PLCXD3: variants seen among roughly 807,000 people sequenced by gnomAD.
PLCXD3 encodes the protein PI-PLC X domain-containing protein 3.
In PLCXD3, 19 loss-of-function variants were observed where a neutral mutation model predicts 25.5. The ratio of observed to expected loss-of-function variants is 0.75; its 90% confidence interval spans 0.52 to 1.09. PLCXD3 has a LOEUF of 1.09. Ranked by LOEUF, PLCXD3 falls within the 50% of genes least tolerant of loss-of-function variation. PLCXD3 has a pLI of 0.00. For missense variants in PLCXD3, 411 were observed against 388.1 expected, an observed-to-expected ratio of 1.06 and a Z score of -0.50; for synonymous variants, 174 against 137.6, an observed-to-expected ratio of 1.26 and a Z score of -1.85.
intron 1 of PLCXD3, among the ~76,000 whole-genome samples, chr5:41,493,317 C>T (rs1348151294): frequency 6.6e-6 from 1 of 152,124 alleles, no homozygotes; most frequent in Admixed American, 6.5e-5. Flanking sequence ...AGTACCTGGC[C>T]GTGTGAGGTG....
chr5:41,312,092 G>GTTTTT lies in PLCXD3; in HGVS notation c.*1520_*1524dup, dbSNP rs34664524. On this transcript the variant is annotated 3_prime_UTR_variant, in exon 3 of 3. Transcript: ENST00000377801. ...ATAGGCAAGGATTATTGTGCTCTAA[G>GTTTTT]TTTTTTTTTTTTATTTTTTAGAGTT... 2 of 147,808 alleles carry GTTTTT rather than the reference G, an allele frequency of 1.4e-5. No homozygotes were observed. Among genetic ancestry groups the GTTTTT allele is most frequent in the Admixed American group, 6.8e-5 (1 of 14,766 alleles). The allele number at this position is 147,808 out of a possible 1,614,324, so 9.2% of individuals were successfully genotyped here. A position where few individuals can be genotyped will look rare whatever the true frequency, so the allele number is the denominator to read the frequency against.
intron 1 of PLCXD3, among the ~76,000 whole-genome samples, chr5:41,393,301 G>A (rs1165509194): frequency 6.6e-6 from 1 of 152,006 alleles, no homozygotes. Flanking sequence ...GATGAAGAAG[G>A]GATCCTAAAA....
chr5:41,395,209 T>C (rs1374101203), intron 1 of PLCXD3, among the ~76,000 whole-genome samples: 1 of 152,132 alleles, frequency 6.6e-6, no homozygotes, highest in African/African-American at 2.4e-5. Context: ...AATTTAAGAA[T>C]ATGCTTCTGA....
chr5:41,352,175 C>T (rs1439485437), intron 2 of PLCXD3, among the ~76,000 whole-genome samples: 1 of 152,184 alleles, frequency 6.6e-6, no homozygotes, highest in African/African-American at 2.4e-5. Context: ...AAGACACCAT[C>T]ATCTGACTTT....
intron 2 of PLCXD3, among the ~76,000 whole-genome samples, chr5:41,323,477 A>G (rs1580299023): frequency 6.6e-6 from 1 of 152,236 alleles, no homozygotes; most frequent in South Asian, 2.1e-4. Flanking sequence ...TAATGTACCC[A>G]TAAATATATA....
chr5:41,439,528 C>T (rs1486845766), intron 1 of PLCXD3, among the ~76,000 whole-genome samples: 2 of 151,832 alleles, frequency 1.3e-5, no homozygotes, highest in African/African-American at 4.8e-5. Flanking sequence ...GTCTGGAATG[C>T]GGGTGTCATA....
intron 1 of PLCXD3, among the ~76,000 whole-genome samples, chr5:41,406,307 G>T (rs996621302): frequency 1.3e-5 from 2 of 151,936 alleles, no homozygotes; most frequent in African/African-American, 4.8e-5. Context: ...CCTTTATATA[G>T]ATGCATCAAA....
At chr5:41,439,311 C>T (rs1476972464) in intron 1 of PLCXD3, among the ~76,000 whole-genome samples, 1 of 152,148 alleles carries the variant, frequency 6.6e-6, no homozygotes, top group South Asian at 2.1e-4. Flanking sequence ...CTCCTTCCAA[C>T]TTAGTACTAG....
rs1467828827 is a variant in PLCXD3 at position 41,492,600 on chromosome 5, A to C, written c.103+17824T>G. On this transcript the variant is annotated intron_variant, in intron 1 of 2. Transcript: ENST00000377801. ...TCAGACGTAGATTTGATCTTTTCAC[A>C]TAGTCCCATATTTCTTGGAGGCTTT... Among the ~76,000 whole-genome samples, 5 of 152,194 alleles carry C rather than the reference A, an allele frequency of 3.3e-5. No homozygotes were observed. In the South Asian group the frequency reaches 1.0e-3, roughly 32 times the overall value.
intron 1 of PLCXD3, among the ~76,000 whole-genome samples, chr5:41,424,421 T>C (rs1266461672): frequency 1.3e-5 from 2 of 152,100 alleles, no homozygotes; most frequent in Non-Finnish European, 2.9e-5. Context: ...ATGCCTGTAA[T>C]CCCAGCTACT....
chr5:41,354,531 T>A (rs185943185), intron 2 of PLCXD3, among the ~76,000 whole-genome samples: 21 of 152,348 alleles, frequency 1.4e-4, no homozygotes, highest in Admixed American at 2.6e-4. Context: ...TGTCCATTTT[T>A]TTCAATTCCT....
intron 1 of PLCXD3, among the ~76,000 whole-genome samples, chr5:41,459,275 GC>G (rs1747822239): frequency 6.6e-6 from 1 of 151,714 alleles, no homozygotes; most frequent in African/African-American, 2.4e-5. Flanking sequence ...TGTCATTCAG[GC>G]TAGACAAAAG....
At chr5:41,392,284 A>G (rs977127589) in intron 1 of PLCXD3, among the ~76,000 whole-genome samples, 9 of 152,160 alleles carry the variant, frequency 5.9e-5, no homozygotes, top group African/African-American at 2.2e-4. Context: ...TGGTTGCCAC[A>G]GGGGTGATTC....
At chr5:41,463,580 T>C (rs1382902885) in intron 1 of PLCXD3, among the ~76,000 whole-genome samples, 1 of 151,978 alleles carries the variant, frequency 6.6e-6, no homozygotes, top group Non-Finnish European at 1.5e-5. Context: ...AAGAGATTCA[T>C]ATTTCTGGTC....
At chr5:41,485,099 T>C (rs1265614495) in intron 1 of PLCXD3, among the ~76,000 whole-genome samples, 1 of 152,176 alleles carries the variant, frequency 6.6e-6, no homozygotes. Flanking sequence ...TTAAGCATTG[T>C]CCTAAATGTT....
intron 2 of PLCXD3, among the ~76,000 whole-genome samples, chr5:41,318,746 A>G (rs1414066650): frequency 1.3e-5 from 2 of 152,190 alleles, no homozygotes; most frequent in Non-Finnish European, 2.9e-5. Context: ...GTCCTTACTT[A>G]TCAATAACAA....
intron 2 of PLCXD3, among the ~76,000 whole-genome samples, chr5:41,359,168 T>C (rs1407737605): frequency 2.0e-5 from 3 of 152,138 alleles, no homozygotes; most frequent in Admixed American, 6.6e-5. Context: ...GGATTTGGTA[T>C]GTAGTTTTCT....
chr5:41,329,234 C>CT (rs1336424046), intron 2 of PLCXD3, among the ~76,000 whole-genome samples: 1 of 152,188 alleles, frequency 6.6e-6, no homozygotes, highest in African/African-American at 2.4e-5. Flanking sequence ...GAGTAACGTA[C>CT]TTTCATCTTT....
At chr5:41,401,088 C>T (rs1318330828) in intron 1 of PLCXD3, among the ~76,000 whole-genome samples, 2 of 151,736 alleles carry the variant, frequency 1.3e-5, no homozygotes, top group South Asian at 2.1e-4. Flanking sequence ...CATTTTAAAA[C>T]TTGGTTAGCT....
Sources: allele counts gnomAD v4.1 joint callset (sites outside exome capture counted in the v4.1 genomes callset), GRCh38; gene constraint gnomAD v4.1.1; transcripts MANE v1.5; gene names NCBI Gene and HGNC (gene_info 2026-07-23, HGNC 2026-07-21).